Variants in SEMA3A observed in about 807,000 individuals in gnomAD.
The protein encoded by SEMA3A is semaphorin 3A.
Under a neutral mutation model 97.9 loss-of-function variants are expected in SEMA3A, and 29 were observed. The observed-to-expected ratio is 0.30, with a 90% confidence interval of 0.22 to 0.40. The LOEUF is 0.40. Ranked by LOEUF, SEMA3A falls within the 10% of genes least tolerant of loss-of-function variation. The pLI, the probability that SEMA3A is intolerant of heterozygous loss-of-function variation, is 1.00. For missense variants in SEMA3A, 763 were observed against 951.3 expected, an observed-to-expected ratio of 0.80 and a Z score of 2.60; for synonymous variants, 321 against 323.7, an observed-to-expected ratio of 0.99 and a Z score of 0.09.
intron 3 of SEMA3A, among the ~76,000 whole-genome samples, chr7:84,229,743 C>A (rs559317035): frequency 6.6e-6 from 1 of 151,724 alleles, no homozygotes; most frequent in African/African-American, 2.4e-5. Context: ...TATATTAATC[C>A]CTTTCTCTAT....
intron 3 of SEMA3A, among the ~76,000 whole-genome samples, chr7:84,303,716 A>C (rs539257672): frequency 6.6e-6 from 1 of 152,238 alleles, no homozygotes; most frequent in African/African-American, 2.4e-5. Context: ...TTTCAGTACA[A>C]TATTCAATAA....
At chr7:84,233,184 T>G (rs2116360822) in intron 3 of SEMA3A, among the ~76,000 whole-genome samples, 1 of 152,168 alleles carries the variant, frequency 6.6e-6, no homozygotes, top group South Asian at 2.1e-4. Context: ...TTTATGTAGT[T>G]AATACATTCA....
At chr7:84,065,994 T>C (rs1583906729) in intron 4 of SEMA3A, among the ~76,000 whole-genome samples, 1 of 151,470 alleles carries the variant, frequency 6.6e-6, no homozygotes, top group South Asian at 2.1e-4. Context: ...CCAATATCCT[T>C]GATGAACATT....
At chr7:84,380,660 T>G (rs1803235602) in intron 1 of SEMA3A, among the ~76,000 whole-genome samples, 1 of 152,240 alleles carries the variant, frequency 6.6e-6, no homozygotes, top group Non-Finnish European at 1.5e-5. Flanking sequence ...ATAAATTTAT[T>G]ATATTACAGT....
intron 3 of SEMA3A, among the ~76,000 whole-genome samples, chr7:84,205,288 G>A (rs1443163811): frequency 2.0e-5 from 3 of 152,070 alleles, no homozygotes; most frequent in African/African-American, 7.2e-5. Flanking sequence ...GTTTCATGCT[G>A]TTTTCAGAAC....
chr7:84,405,172 T>C (rs1019029177), intron 1 of SEMA3A, among the ~76,000 whole-genome samples: 1 of 151,592 alleles, frequency 6.6e-6, no homozygotes, highest in Non-Finnish European at 1.5e-5. Context: ...GAGACACACA[T>C]AGGCTCAAAA....
intron 6 of SEMA3A, among the ~76,000 whole-genome samples, chr7:84,040,828 G>A (rs1792110104): frequency 6.6e-6 from 1 of 151,934 alleles, no homozygotes; most frequent in Non-Finnish European, 1.5e-5. Context: ...AAAACAAGAG[G>A]AAAAAGGAAG....
chr7:83,995,656 G>T (rs1220132069), intron 12 of SEMA3A, among the ~76,000 whole-genome samples: 1 of 152,116 alleles, frequency 6.6e-6, no homozygotes, highest in African/African-American at 2.4e-5. Context: ...GGCTTTATAA[G>T]CATGTTTTCA....
intron 3 of SEMA3A, among the ~76,000 whole-genome samples, chr7:84,222,846 G>T (rs1798909950): frequency 6.6e-6 from 1 of 151,802 alleles, no homozygotes; most frequent in African/African-American, 2.4e-5. Context: ...GGTATCACTA[G>T]GGAAGCTTTT....
At chr7:84,062,807 T>G (rs1445341772) in intron 4 of SEMA3A, among the ~76,000 whole-genome samples, 1 of 152,060 alleles carries the variant, frequency 6.6e-6, no homozygotes, top group Non-Finnish European at 1.5e-5. Context: ...CACAGCAGTC[T>G]GAGATCAAAC....
chr7:84,191,659 T>C (rs1798041452), intron 1 of SEMA3A, among the ~76,000 whole-genome samples: 1 of 151,862 alleles, frequency 6.6e-6, no homozygotes, highest in Non-Finnish European at 1.5e-5. Context: ...AGAAGGATTT[T>C]ACCATTTAGC....
At chr7:84,338,379 T>G (rs1376254077) in intron 2 of SEMA3A, among the ~76,000 whole-genome samples, 1 of 151,016 alleles carries the variant, frequency 6.6e-6, no homozygotes, top group Non-Finnish European at 1.5e-5. Flanking sequence ...AACCATAAAT[T>G]AATTAATTGT....
rs145700263 is a variant in SEMA3A at position 84,437,416 on chromosome 7, A to ATATTGTTATTAAG, written c.-246+55031_-246+55043dup. Among the ~76,000 whole-genome samples, 2,084 of 152,090 alleles carry ATATTGTTATTAAG rather than the reference A, an allele frequency of 0.014. 81 individuals are homozygous for ATATTGTTATTAAG. The East Asian group carries it at 0.16, about 11-fold the overall frequency. On this transcript the variant is annotated intron_variant, in intron 1 of 3. Coordinates refer to the SEMA3A transcript ENST00000424555. ...ACATGAACATCAATTACTTAAATTG[A>ATATTGTTATTAAG]TATTGTTATTAAGATAGTCTTAATA...
At chr7:84,049,732 A>T (rs1029775817) in intron 5 of SEMA3A, among the ~76,000 whole-genome samples, 1 of 151,452 alleles carries the variant, frequency 6.6e-6, no homozygotes, top group African/African-American at 2.4e-5. Context: ...TTATTATTAT[A>T]CTTTAAGTTT....
chr7:84,358,811 G>C (rs1391926438), intron 2 of SEMA3A, among the ~76,000 whole-genome samples: 3 of 151,942 alleles, frequency 2.0e-5, no homozygotes, highest in Non-Finnish European at 4.4e-5. Context: ...CTTTTATTTT[G>C]TTGAACAGTG....
chr7:84,426,136 C>T (rs1185392492), intron 1 of SEMA3A, among the ~76,000 whole-genome samples: 2 of 151,932 alleles, frequency 1.3e-5, no homozygotes, highest in Non-Finnish European at 2.9e-5. Context: ...ATGCACACTG[C>T]TCATGTGATG....
rs149933087 is a variant in SEMA3A, at chr7:84,204,749, G to A, written c.-82-10081C>T. Among the ~76,000 whole-genome samples, 207 of 152,288 alleles carry A rather than the reference G, an allele frequency of 1.4e-3. 3 individuals are homozygous for A. The East Asian group carries it at 0.017, about 12-fold the overall frequency. ...TTGACCATGAAGAATCAGATCATGT[G>A]TATTAAAATGTGAAGATTGGAGAGG... On this transcript the variant is annotated intron_variant, in intron 3 of 3. Coordinates refer to the SEMA3A transcript ENST00000424555.
At chr7:84,269,840 A>AT (rs1562880068) in intron 3 of SEMA3A, among the ~76,000 whole-genome samples, 1 of 152,034 alleles carries the variant, frequency 6.6e-6, no homozygotes, top group Non-Finnish European at 1.5e-5. Flanking sequence ...TGGCATATGT[A>AT]TTTTTTTACC....
chr7:84,050,751 G>T (rs375899153), intron 5 of SEMA3A, among the ~76,000 whole-genome samples: 2 of 152,210 alleles, frequency 1.3e-5, no homozygotes, highest in South Asian at 2.1e-4. Flanking sequence ...TTGTTGCCAT[G>T]GCTTTTGGTG....
Sources: gnomAD v4.1 joint callset for allele counts (sites outside exome capture counted in the v4.1 genomes callset) on GRCh38, gnomAD v4.1.1 for gene constraint, MANE v1.5 for transcripts, NCBI Gene and HGNC (gene_info 2026-07-23, HGNC 2026-07-21) for gene names.